SVEP1: variants seen among roughly 807,000 people sequenced by gnomAD.
SVEP1 encodes the protein sushi, von Willebrand factor type A, EGF and pentraxin domain containing 1.
SVEP1 carries 164 observed loss-of-function variants against 367.3 expected under a neutral mutation model. The ratio of observed to expected loss-of-function variants is 0.45; its 90% CI spans 0.39 to 0.51. SVEP1 has a LOEUF of 0.51. Ranked by LOEUF, SVEP1 falls within the 20% of genes least tolerant of loss-of-function variation. The probability of loss-of-function intolerance (pLI) is 0.00; values close to 1 mark genes in which losing one functional copy is unlikely to be tolerated. For synonymous variants in SVEP1, 1,666 were observed against 1,611.6 expected, an observed-to-expected ratio of 1.03 and a Z score of -0.81; for missense variants, 4,117 against 4,425.3, an observed-to-expected ratio of 0.93 and a Z score of 1.98.
At chr9:110,569,664 T>A (rs551346885) in intron 1 of SVEP1, among the ~76,000 whole-genome samples, 5 of 152,328 alleles carry the variant, frequency 3.3e-5, no homozygotes, top group African/African-American at 1.2e-4. Context: ...CTTAAATTAT[T>A]TTTTTCTCTA....
chr9:110,538,637 G>T (rs1056301899), intron 3 of SVEP1, among the ~76,000 whole-genome samples: 11 of 152,072 alleles, frequency 7.2e-5, no homozygotes, highest in African/African-American at 2.7e-4. Flanking sequence ...TAATATAGCT[G>T]GAGCTTTGGC....
In SVEP1 at chr9:110,555,360, CAG is replaced by C. The variant is rs548835915; in HGVS notation, c.532-5258_532-5257del. Among the ~76,000 whole-genome samples, 50 of 152,246 alleles carry C rather than the reference CAG, an allele frequency of 3.3e-4. No homozygotes were observed. The East Asian group carries it at 8.9e-3, about 27-fold the overall frequency. ...GGATAAACTACAGGATAGTCTGGAG[CAG>C]AGTTACTTGAATGAGTTGGTCTTGA... On this transcript the variant is annotated intron_variant, in intron 1 of 47. Coordinates refer to ENST00000374469, the MANE Select transcript of SVEP1 (RefSeq NM_153366.4).
At position 110,411,253 on chromosome 9, in the gene SVEP1, A is replaced by G. The variant is rs1160695888; in HGVS notation, c.6458T>C (p.Met2153Thr). 1.9e-6 allele frequency: 3 copies of G among 1,614,030 alleles called. No homozygotes were observed. Among genetic ancestry groups the G allele is most frequent in the Middle Eastern group, 1.6e-4 (1 of 6,062 alleles). The change falls in exon 37 of 48, where the codon ATG (methionine) becomes ACG (threonine). Residue 2153 changes from methionine to threonine, a missense_variant. Transcript: ENST00000374469. ...PVRCGEPPSI[M>T]NGYASGSNYS... is the part of the protein sequence containing the mutation. The stretch of plus-strand genomic sequence containing the variant: ...GTTTGATCCACTTGCATAGCCATTC[A>G]TGATGCTTGGTGGCTCTCCACACCG...
At chr9:110,505,548 G>A (rs1377644990) in intron 5 of SVEP1, among the ~76,000 whole-genome samples, 1 of 152,138 alleles carries the variant, frequency 6.6e-6, no homozygotes, top group Non-Finnish European at 1.5e-5. Flanking sequence ...CTGTAACAGG[G>A]ACTGGAGGTG....
chr9:110,565,970 GTTAC>G (rs1355701272), intron 1 of SVEP1, among the ~76,000 whole-genome samples: 1 of 151,960 alleles, frequency 6.6e-6, no homozygotes, highest in East Asian at 1.9e-4. Flanking sequence ...ACCTGGTCAA[GTTAC>G]TTACATTCTC....
At chr9:110,506,253 A>G (rs1334827924) in intron 5 of SVEP1, among the ~76,000 whole-genome samples, 1 of 152,180 alleles carries the variant, frequency 6.6e-6, no homozygotes, top group Non-Finnish European at 1.5e-5. Context: ...AGTCTTTGCT[A>G]TCGTGAACCC....
At chr9:110,442,775 TAAATA>T (rs1398141456) in intron 27 of SVEP1, 1 of 152,186 alleles carries the variant, frequency 6.6e-6, no homozygotes, top group African/African-American at 2.4e-5. Context: ...TAATTTCTAA[TAAATA>T]AAATAAGTAT....
At chr9:110,464,511 T>C (rs1477359269) in intron 18 of SVEP1, among the ~76,000 whole-genome samples, 4 of 152,202 alleles carry the variant, frequency 2.6e-5, no homozygotes, top group Admixed American at 1.3e-4. Context: ...CGCCCCTTCC[T>C]GCCCTTGCAC....
At chr9:110,513,564 C>T (rs1179943497) in intron 4 of SVEP1, among the ~76,000 whole-genome samples, 1 of 152,050 alleles carries the variant, frequency 6.6e-6, no homozygotes, top group East Asian at 1.9e-4. Context: ...ATACTGAGAC[C>T]CTTTACTTAT....
In SVEP1 at chr9:110,515,176, G is replaced by A. The variant is rs574664356; in HGVS notation, c.965-1070C>T. 1.9e-4 allele frequency among the ~76,000 whole-genome samples: 29 copies of A among 152,220 alleles called. No individual in the cohort carries two copies. In the South Asian group the frequency reaches 5.4e-3, roughly 28 times the overall value. ...TAAATTTCAGAAATTCAATAATAGA[G>A]CAATTGTGGAATCAAGAGACTTGCA... is the stretch of plus-strand genomic sequence containing the variant. On this transcript the variant is annotated intron_variant, in intron 3 of 47. Coordinates refer to ENST00000374469, the MANE Select transcript of SVEP1 (RefSeq NM_153366.4).
intron 40 of SVEP1, among the ~76,000 whole-genome samples, chr9:110,400,575 C>T (rs1827842713): frequency 6.6e-6 from 1 of 152,134 alleles, no homozygotes; most frequent in Non-Finnish European, 1.5e-5. Flanking sequence ...CCATGTTGGC[C>T]AGACTGGTCT....
intron 27 of SVEP1, chr9:110,442,592 C>A (rs902808974): frequency 3.3e-5 from 5 of 151,554 alleles, no homozygotes; most frequent in African/African-American, 1.2e-4. Flanking sequence ...TCCTGAGTAG[C>A]TGGAATTACA....
chr9:110,443,622 T>C lies in SVEP1; in HGVS notation c.4562A>G (p.Asn1521Ser), dbSNP rs761189420. The change falls in exon 27 of 48, where the codon AAT (asparagine) becomes AGT (serine). Residue 1521 changes from asparagine to serine, a missense_variant. Physicochemically the swap from Asn to Ser is conservative, Grantham distance 46. Coordinates refer to ENST00000374469, the MANE Select transcript of SVEP1 (RefSeq NM_153366.4). ...ATCGATATAGACTTTCCAGATGCCATTGGCACTTGTCCAAGTGATTGCAAT... is the reference window on the plus strand; with the variant it reads ...ATCGATATAGACTTTCCAGATGCCACTGGCACTTGTCCAAGTGATTGCAAT... ...HHIAITWTSA[N>S]GIWKVYIDGK... The C allele has an allele frequency of 2.3e-5, 37 of 1,613,534 alleles. No homozygotes were observed. Among genetic ancestry groups the C allele is most frequent in the Non-Finnish European group, 2.8e-5 (33 of 1,179,724 alleles).
chr9:110,371,264 G>C (rs1408310570), intron 46 of SVEP1, among the ~76,000 whole-genome samples: 1 of 152,122 alleles, frequency 6.6e-6, no homozygotes, highest in Non-Finnish European at 1.5e-5. Context: ...ATAAGAACAC[G>C]TTACTCCTTT....
rs74494121 is a variant in SVEP1, at chr9:110,430,203, C to T, written c.5530+71G>A. ...CAAAGAACATTGATACAACATAACA[C>T]TTCATATGTCTACGCCTTACCTTTC... On this transcript the variant is annotated intron_variant, in intron 33 of 47. Coordinates refer to ENST00000374469, the MANE Select transcript of SVEP1 (RefSeq NM_153366.4). 8,189 of 1,471,422 alleles carry T rather than the reference C, an allele frequency of 5.6e-3. 392 individuals carry two copies. The African/African-American group carries it at 0.099, about 18-fold the overall frequency. 91.1% of individuals were successfully genotyped at this position (1,471,422 alleles called of 1,614,324 possible).
intron 1 of SVEP1, among the ~76,000 whole-genome samples, chr9:110,576,502 A>G (rs1276710994): frequency 6.6e-6 from 1 of 152,164 alleles, no homozygotes; most frequent in Non-Finnish European, 1.5e-5. Context: ...CTATGACGGT[A>G]TATTTTCAGG....
At chr9:110,552,405 A>T (rs534920133) in intron 1 of SVEP1, among the ~76,000 whole-genome samples, 1 of 152,208 alleles carries the variant, frequency 6.6e-6, no homozygotes, top group South Asian at 2.1e-4. Context: ...CAATTTTTCC[A>T]TGGAGTGGAA....
chr9:110,529,271 T>G (rs1362013084), intron 3 of SVEP1, among the ~76,000 whole-genome samples: 1 of 78,402 alleles, frequency 1.3e-5, no homozygotes, highest in East Asian at 2.2e-4. Flanking sequence ...TTTTGGTTAC[T>G]ATAGCTTTGT....
intron 1 of SVEP1, among the ~76,000 whole-genome samples, chr9:110,568,584 C>T (rs1193405595): frequency 6.6e-6 from 1 of 151,586 alleles, no homozygotes; most frequent in Non-Finnish European, 1.5e-5. Flanking sequence ...AGGAAGATCT[C>T]GAATGCACAA....
Sources: gnomAD v4.1 joint callset for allele counts (sites outside exome capture counted in the v4.1 genomes callset) on GRCh38, gnomAD v4.1.1 for gene constraint, MANE v1.5 for transcripts, NCBI Gene and HGNC (gene_info 2026-07-23, HGNC 2026-07-21) for gene names.